The following RIMS2 variants were observed in gnomAD, a reference collection of about 807,000 sequenced individuals.
RIMS2 encodes regulating synaptic membrane exocytosis 2, also known as regulating synaptic membrane exocytosis protein 2.
Under a neutral mutation model 174.4 loss-of-function variants are expected in RIMS2, and 59 were observed. The ratio of observed to expected loss-of-function variants is 0.34; its 90% confidence interval spans 0.27 to 0.42. RIMS2 has a LOEUF of 0.42. Ranked by LOEUF, RIMS2 falls within the 10% of genes least tolerant of loss-of-function variation. The pLI is 1.00. For missense variants in RIMS2, 1,620 were observed against 1,666.3 expected (o/e 0.97, Z 0.48); for synonymous variants, 606 against 572.5 (o/e 1.06, Z -0.84).
At chr8:104,033,965 A>G (rs1230518159) in intron 19 of RIMS2, among the ~76,000 whole-genome samples, 1 of 152,156 alleles carries the variant, frequency 6.6e-6, no homozygotes, top group Non-Finnish European at 1.5e-5. Flanking sequence ...TATGATATTA[A>G]TAATCTATTG....
At chr8:103,913,722 A>C (rs1033044103) in intron 6 of RIMS2, among the ~76,000 whole-genome samples, 1 of 152,082 alleles carries the variant, frequency 6.6e-6, no homozygotes, top group Non-Finnish European at 1.5e-5. Context: ...GAGAGTACGC[A>C]TGTCACATGG....
At chr8:103,659,026 G>A (rs1252592312) in intron 1 of RIMS2, among the ~76,000 whole-genome samples, 2 of 152,182 alleles carry the variant, frequency 1.3e-5, no homozygotes, top group African/African-American at 2.4e-5. Flanking sequence ...GAAGGCTAAT[G>A]CTGATAGAAA....
At chr8:103,682,341 T>C (rs939413992) in intron 1 of RIMS2, among the ~76,000 whole-genome samples, 1 of 151,698 alleles carries the variant, frequency 6.6e-6, no homozygotes, top group African/African-American at 2.4e-5. Flanking sequence ...AGAAAGAAAA[T>C]GAAAGGACCT....
chr8:103,701,176 T>A (rs2097162191), intron 2 of RIMS2, among the ~76,000 whole-genome samples: 1 of 152,112 alleles, frequency 6.6e-6, no homozygotes, highest in Admixed American at 6.5e-5. Flanking sequence ...ATGAATAGTT[T>A]CAATTTTTTC....
At chr8:103,711,393 GT>G (rs1295832755) in intron 2 of RIMS2, among the ~76,000 whole-genome samples, 2 of 152,110 alleles carry the variant, frequency 1.3e-5, no homozygotes, top group Non-Finnish European at 2.9e-5. Context: ...CTCTTCTATT[GT>G]TTTTAGAATT....
intron 2 of RIMS2, among the ~76,000 whole-genome samples, chr8:103,728,494 C>A (rs1358131758): frequency 6.6e-6 from 1 of 152,030 alleles, no homozygotes; most frequent in Non-Finnish European, 1.5e-5. Flanking sequence ...AGTGGTCATT[C>A]TTGTCTTGTT....
intron 2 of RIMS2, among the ~76,000 whole-genome samples, chr8:103,739,387 A>C (rs2097730590): frequency 6.6e-6 from 1 of 152,086 alleles, no homozygotes; most frequent in Non-Finnish European, 1.5e-5. Flanking sequence ...CGTAGGGTAG[A>C]GGGAAGGGGG....
intron 19 of RIMS2, among the ~76,000 whole-genome samples, chr8:104,131,978 T>A (rs890336317): frequency 3.9e-5 from 6 of 152,162 alleles, no homozygotes; most frequent in African/African-American, 1.2e-4. Context: ...AAAGAATGTG[T>A]GAAAGATGAG....
At chr8:104,003,984 A>T in intron 17 of RIMS2, among the ~76,000 whole-genome samples, 1 of 152,156 alleles carries the variant, frequency 6.6e-6, no homozygotes, top group Non-Finnish European at 1.5e-5. Flanking sequence ...ATTTTGAGAG[A>T]GTGCAGAGTC....
chr8:103,838,057 C>T (rs2098914881), intron 3 of RIMS2, among the ~76,000 whole-genome samples: 1 of 151,804 alleles, frequency 6.6e-6, no homozygotes, highest in South Asian at 2.1e-4. Context: ...AGTGATTCTA[C>T]CGCCTCAGGC....
At chr8:103,637,199 C>T (rs549476042) in intron 1 of RIMS2, among the ~76,000 whole-genome samples, 105 of 152,272 alleles carry the variant, frequency 6.9e-4, no homozygotes, top group African/African-American at 2.5e-3. Context: ...TTCACTCCAC[C>T]ATGGCCACTT....
intron 19 of RIMS2, among the ~76,000 whole-genome samples, chr8:104,039,320 T>C (rs2096569934): frequency 6.6e-6 from 1 of 151,754 alleles, no homozygotes; most frequent in Admixed American, 6.6e-5. Context: ...TGTGTTCTAT[T>C]TCTGGCTCTG....
At chr8:103,726,680 C>T (rs1017633711) in intron 2 of RIMS2, among the ~76,000 whole-genome samples, 1 of 147,892 alleles carries the variant, frequency 6.8e-6, no homozygotes, top group Admixed American at 6.8e-5. Flanking sequence ...CTTTATGTCC[C>T]TCAATAGGAT....
chr8:103,938,439 A>G (rs1264086424), intron 13 of RIMS2, among the ~76,000 whole-genome samples: 1 of 152,138 alleles, frequency 6.6e-6, no homozygotes, highest in East Asian at 1.9e-4. Flanking sequence ...GAACAGCATG[A>G]GAAAGACCCA....
At chr8:104,240,530 T>A (rs190610660) in intron 19 of RIMS2, among the ~76,000 whole-genome samples, 1 of 152,360 alleles carries the variant, frequency 6.6e-6, no homozygotes, top group East Asian at 1.9e-4. Flanking sequence ...ATTAAAGGGC[T>A]ACTATAAATG....
rs377642614 is a variant in RIMS2 at position 103,752,656 on chromosome 8, G to T, written c.388-13571G>T. On this transcript the variant is annotated intron_variant, in intron 2 of 23. Coordinates refer to ENST00000504942, the Ensembl canonical transcript of RIMS2. ...CTTGAAGAGGTCCTTCATGTCCCTT[G>T]TAAGGTGGATTCCTAGGTATTTTAT... Among the ~76,000 whole-genome samples, 7 of 152,158 alleles carry T rather than the reference G, an allele frequency of 4.6e-5. No individual in the cohort carries two copies. In the South Asian group the frequency reaches 8.3e-4, roughly 18 times the overall value.
At chr8:103,775,383 A>G (rs2098302363) in intron 3 of RIMS2, among the ~76,000 whole-genome samples, 1 of 152,130 alleles carries the variant, frequency 6.6e-6, no homozygotes. Flanking sequence ...ATAAATCACC[A>G]ATGTTTTTCT....
chr8:103,737,570 T>C (rs2097702737), intron 2 of RIMS2, among the ~76,000 whole-genome samples: 1 of 152,142 alleles, frequency 6.6e-6, no homozygotes, highest in Admixed American at 6.6e-5. Flanking sequence ...CAAAATGCAA[T>C]CAGATTGTGT....
At chr8:103,958,458 A>C (rs1044373652) in intron 14 of RIMS2, among the ~76,000 whole-genome samples, 1 of 152,170 alleles carries the variant, frequency 6.6e-6, no homozygotes, top group African/African-American at 2.4e-5. Flanking sequence ...TTAGATACTG[A>C]GCTTAATACC....
Sources: gnomAD v4.1 joint callset for allele counts (sites outside exome capture counted in the v4.1 genomes callset) on GRCh38, gnomAD v4.1.1 for gene constraint, MANE v1.5 for transcripts, NCBI Gene and HGNC (gene_info 2026-07-23, HGNC 2026-07-21) for gene names.